Variants in BTN3A2 observed in about 807,000 individuals in gnomAD.
BTN3A2 encodes the protein butyrophilin subfamily 3 member A2.
Under a neutral mutation model 37.6 loss-of-function variants are expected in BTN3A2, and 25 were observed. That is an observed-to-expected ratio of 0.66 (90% CI 0.48 to 0.93). BTN3A2 has a LOEUF of 0.93. BTN3A2 is among the 40% of genes least tolerant of loss of function. The probability of loss-of-function intolerance (pLI) is 0.00; values close to 1 mark genes in which losing one functional copy is unlikely to be tolerated. For synonymous variants in BTN3A2, 122 were observed against 159.4 expected, an observed-to-expected ratio of 0.77 and a Z score of 1.77; for missense variants, 266 against 410.9, an observed-to-expected ratio of 0.65 and a Z score of 3.05.
intron 5 of BTN3A2, among the ~76,000 whole-genome samples, chr6:26,372,315 T>C (rs948030174): frequency 6.6e-6 from 1 of 152,226 alleles, no homozygotes; most frequent in Non-Finnish European, 1.5e-5. Context: ...CATCAGGCAC[T>C]TTATAAGTAT....
chr6:26,375,344 A>G (rs1336288608), intron 10 of BTN3A2: 1 of 360,642 alleles, frequency 2.8e-6, no homozygotes, highest in Non-Finnish European at 5.1e-6. Context: ...TGGGAGGGCT[A>G]AAAAGGGGAG....
In BTN3A2 at chr6:26,365,200, CT is replaced by C. The variant is rs1761930944; in HGVS notation, c.-218del. ...AAAAACTAATTCTTCCAAAGAGCGACTCTTACTGTTTCTCATGGTGAGAAGA... is the reference window on the plus strand; with the variant it reads ...AAAAACTAATTCTTCCAAAGAGCGACCTTACTGTTTCTCATGGTGAGAAGA... On this transcript the variant is annotated 5_prime_UTR_variant, in exon 1 of 11. Coordinates refer to ENST00000377708, the MANE Select transcript of BTN3A2 (RefSeq NM_007047.5). 1 of 1,119,460 alleles carries C rather than the reference CT, an allele frequency of 8.9e-7. No homozygotes were observed. Among genetic ancestry groups the C allele is most frequent in the Admixed American group, 2.3e-5 (1 of 43,584 alleles). 69.3% of individuals were successfully genotyped at this position (1,119,460 alleles called of 1,614,324 possible).
At position 26,373,013 on chromosome 6, in the gene BTN3A2, ACTGCT is replaced by A. The variant is rs767997124; in HGVS notation, c.836_840del (p.Ala279ValfsTer3). Reference sequence around the variant, plus strand: ...CTTGTGGAGACAACAGAAGGAAATAACTGCTCTGTCCAGTGAGATAGAAAGTGAGC... The same window carrying A: ...CTTGTGGAGACAACAGAAGGAAATAACTGTCCAGTGAGATAGAAAGTGAGC... On this transcript the variant is annotated frameshift_variant, in exon 6 of 11. Coordinates refer to ENST00000377708, the MANE Select transcript of BTN3A2 (RefSeq NM_007047.5). LOFTEE classifies it high-confidence loss of function. 1 of 1,614,238 alleles carries A rather than the reference ACTGCT, an allele frequency of 6.2e-7. No individual in the cohort carries two copies. The highest frequency in any genetic ancestry group is 8.5e-7 in the Non-Finnish European group (1 of 1,180,048).
In BTN3A2 at chr6:26,376,519, T is replaced by C. The variant is rs924792557; in HGVS notation, c.*757T>C. On this transcript the variant is annotated 3_prime_UTR_variant, in exon 11 of 11. Transcript: ENST00000377708. The stretch of plus-strand genomic sequence containing the variant: ...GCCCAAGCCTTGCATGCTGTGGCTC[T>C]TAAATCCAGGAAAAATGGCTGACCC... The C allele has an allele frequency of 1.7e-5, 22 of 1,314,732 alleles. No individual in the cohort carries two copies. The highest frequency in any genetic ancestry group is 5.9e-5 in the African/African-American group (4 of 67,384). The allele number at this position is 1,314,732 out of a possible 1,614,324, so 81.4% of individuals were successfully genotyped here.
At position 26,377,367 on chromosome 6, in the gene BTN3A2, C is replaced by T. The variant is rs934749542; in HGVS notation, c.*1605C>T. 3 of 566,986 alleles carry T rather than the reference C, an allele frequency of 5.3e-6. No individual in the cohort carries two copies. The African/African-American group carries it at 5.6e-5, about 11-fold the overall frequency. The allele number at this position is 566,986 out of a possible 1,614,324, so 35.1% of individuals were successfully genotyped here. On this transcript the variant is annotated 3_prime_UTR_variant, in exon 11 of 11. Transcript: ENST00000377708. ...GAGTTTGGTGCCACCTTATTGGCCCCTTTATACAGATAAGGAAACTGGGGT... is the reference window on the plus strand; with the variant it reads ...GAGTTTGGTGCCACCTTATTGGCCCTTTTATACAGATAAGGAAACTGGGGT...
intron 5 of BTN3A2, 132 bp downstream of exon 5, chr6:26,370,735 C>G (rs1373245095): frequency 2.1e-5 from 30 of 1,439,840 alleles, no homozygotes; most frequent in Non-Finnish European, 2.8e-5. Flanking sequence ...CCTGGAGGCT[C>G]CTCTTTGTGC....
rs1561812693 is a variant in BTN3A2 at position 26,376,206 on chromosome 6, C to G, written c.*444C>G. ...CCAGCCTGGGAGACAGAGCGAGACT[C>G]TGTCTCAAGAAAAAAAAAAAAAAAA... On this transcript the variant is annotated 3_prime_UTR_variant, in exon 11 of 11. Transcript: ENST00000377708. The G allele has an allele frequency of 1.0e-5, 1 of 95,240 alleles. No homozygotes were observed. Among genetic ancestry groups the G allele is most frequent in the South Asian group, 3.1e-4 (1 of 3,256 alleles). The allele number at this position is 95,240 out of a possible 1,614,324, so 5.9% of individuals were successfully genotyped here.
chr6:26,372,453 G>C (rs1432252698), intron 5 of BTN3A2, among the ~76,000 whole-genome samples: 1 of 152,136 alleles, frequency 6.6e-6, no homozygotes, highest in Non-Finnish European at 1.5e-5. Flanking sequence ...TCACATGGGG[G>C]AGCCAGCATT....
chr6:26,368,376 C>A, intron 3 of BTN3A2, 109 bp downstream of exon 3: 5 of 1,521,922 alleles, frequency 3.3e-6, no homozygotes, highest in Non-Finnish European at 3.6e-6. Context: ...ACCTTTAACT[C>A]ATTCCCATAC....
chr6:26,372,998 C>A lies in BTN3A2; in HGVS notation c.817C>A (p.Gln273Lys), dbSNP rs1760273539. The change falls in exon 6 of 11, where the codon CAA (glutamine) becomes AAA (lysine). Residue 273 changes from glutamine to lysine, a missense_variant. Physicochemically the swap from Gln to Lys is moderately conservative, Grantham distance 53. This residue lies in a region of BTN3A2 where 204 missense variants were observed against 232.6 expected (regional missense o/e 0.88). Transcript: ENST00000377708. The stretch of plus-strand genomic sequence containing the variant: ...CGGAGCCAGTTACTTCTTGTGGAGA[C>A]AACAGAAGGAAATAACTGCTCTGTC... ...LAGASYFLWR[Q>K]QKEITALSSE... is the part of the protein sequence containing the mutation. 2 of 1,614,074 alleles carry A rather than the reference C, an allele frequency of 1.2e-6. No homozygotes were observed. The highest frequency in any genetic ancestry group is 1.6e-4 in the Middle Eastern group (1 of 6,080).
At chr6:26,372,583 T>G in intron 5 of BTN3A2, 1 of 289,210 alleles carries the variant, frequency 3.5e-6, no homozygotes, top group Admixed American at 4.7e-5. Flanking sequence ...TGACTTTATG[T>G]GTATGTAGTT....
intron 5 of BTN3A2, among the ~76,000 whole-genome samples, chr6:26,371,645 G>A (rs1164759597): frequency 6.6e-6 from 1 of 151,818 alleles, no homozygotes; most frequent in Non-Finnish European, 1.5e-5. Context: ...TGTATGAGAT[G>A]ATCCATGTGA....
chr6:26,372,859 G>A (rs541871717), intron 5 of BTN3A2, 38 bp from the exon 6 acceptor site: 16 of 1,610,680 alleles, frequency 9.9e-6, no homozygotes, highest in African/African-American at 6.7e-5. Flanking sequence ...GAGGCTGAGC[G>A]CACCAGCGCC....
At position 26,378,165 on chromosome 6, in the gene BTN3A2, A is replaced by T. The variant is rs1760813785; in HGVS notation, c.*2403A>T. 1 of 152,190 alleles carries T rather than the reference A, an allele frequency of 6.6e-6. No individual in the cohort carries two copies. The allele number at this position is 152,190 out of a possible 1,614,324, so 9.4% of individuals were successfully genotyped here. A position where few individuals can be genotyped will look rare whatever the true frequency, so the allele number is the denominator to read the frequency against. On this transcript the variant is annotated 3_prime_UTR_variant, in exon 11 of 11. Coordinates refer to ENST00000377708, the MANE Select transcript of BTN3A2 (RefSeq NM_007047.5). ...TCTGTCCACTCCTGGTCATTGGTGG[A>T]TGTTAAACCCATATTCCTTTCAACT...
intron 5 of BTN3A2, among the ~76,000 whole-genome samples, chr6:26,372,378 ACATTAG>A (rs1760202416): frequency 6.6e-6 from 1 of 152,210 alleles, no homozygotes; most frequent in Non-Finnish European, 1.5e-5. Flanking sequence ...CCCTCATTTT[ACATTAG>A]TAGATTAGGC....
At chr6:26,366,719 T>G (rs1303831310) in intron 1 of BTN3A2, among the ~76,000 whole-genome samples, 3 of 152,194 alleles carry the variant, frequency 2.0e-5, no homozygotes, top group Non-Finnish European at 4.4e-5. Context: ...CAGACCTCTG[T>G]TCCCTTGCTT....
intron 5 of BTN3A2, 84 bp from the exon 6 acceptor site, chr6:26,372,813 G>A (rs1760246226): frequency 2.0e-6 from 3 of 1,538,450 alleles, no homozygotes; most frequent in Non-Finnish European, 1.8e-6. Context: ...CCCGACCTGA[G>A]CTGAGCAGCT....
At chr6:26,365,802 T>G (rs889270648) in intron 1 of BTN3A2, among the ~76,000 whole-genome samples, 2 of 152,156 alleles carry the variant, frequency 1.3e-5, no homozygotes, top group Non-Finnish European at 2.9e-5. Flanking sequence ...GCCTCATAGA[T>G]TTATATGTAA....
At chr6:26,372,844 C>G in intron 5 of BTN3A2, 53 bp from the exon 6 acceptor site, 1 of 1,605,178 alleles carries the variant, frequency 6.2e-7, no homozygotes, top group Non-Finnish European at 8.5e-7. Context: ...GTGCTGCAGG[C>G]TGGGGAGGCT....
Sources: allele counts gnomAD v4.1 joint callset (sites outside exome capture counted in the v4.1 genomes callset), GRCh38; gene constraint gnomAD v4.1.1; regional missense constraint gnomAD v4.1.1; transcripts MANE v1.5; gene names NCBI Gene and HGNC (gene_info 2026-07-23, HGNC 2026-07-21).